The following NRG3 variants were observed in gnomAD, a reference collection of about 807,000 sequenced individuals.
The protein encoded by NRG3 is neuregulin 3.
In NRG3, 31 loss-of-function variants were observed where a neutral mutation model predicts 66.9. The observed-to-expected ratio is 0.46, with a 90% CI of 0.35 to 0.63. The LOEUF is 0.63. Ranked by LOEUF, NRG3 falls within the 20% of genes least tolerant of loss-of-function variation. The pLI is 0.00. For synonymous variants in NRG3, 393 were observed against 359.4 expected, an observed-to-expected ratio of 1.09 and a Z score of -1.06; for missense variants, 910 against 878.9, an observed-to-expected ratio of 1.04 and a Z score of -0.45.
At chr10:82,166,579 T>C (rs2072075882) in intron 1 of NRG3, 1 of 289,596 alleles carries the variant, frequency 3.5e-6, no homozygotes, top group Non-Finnish European at 6.2e-6. Context: ...ATTGCATTGC[T>C]ATTATTTTTG....
intron 1 of NRG3, among the ~76,000 whole-genome samples, chr10:82,123,419 A>G (rs1263370080): frequency 6.6e-6 from 1 of 152,134 alleles, no homozygotes; most frequent in East Asian, 1.9e-4. Context: ...GAGGTATAGA[A>G]AACACAGAGC....
chr10:82,223,602 A>C, intron 1 of NRG3, among the ~76,000 whole-genome samples: 1 of 150,848 alleles, frequency 6.6e-6, no homozygotes, highest in East Asian at 2.0e-4. Context: ...GCCTTTGTGC[A>C]CTCAGAATGC....
At chr10:82,661,191 G>T (rs1298986058) in intron 2 of NRG3, among the ~76,000 whole-genome samples, 2 of 152,032 alleles carry the variant, frequency 1.3e-5, no homozygotes, top group Non-Finnish European at 2.9e-5. Context: ...CCTAGGCATT[G>T]TTTCAGGAGC....
chr10:82,915,560 A>G (rs1473981088), intron 4 of NRG3, among the ~76,000 whole-genome samples: 1 of 152,204 alleles, frequency 6.6e-6, no homozygotes, highest in East Asian at 1.9e-4. Context: ...TCCCTTAAGA[A>G]TTTAAATATT....
intron 2 of NRG3, among the ~76,000 whole-genome samples, chr10:82,666,913 A>G (rs553566444): frequency 3.9e-5 from 6 of 152,342 alleles, no homozygotes; most frequent in African/African-American, 1.4e-4. Context: ...ATGATACATT[A>G]TATATACAGA....
chr10:81,888,350 A>G (rs1408757137), intron 1 of NRG3, among the ~76,000 whole-genome samples: 1 of 152,154 alleles, frequency 6.6e-6, no homozygotes, highest in Non-Finnish European at 1.5e-5. Context: ...ATCTTAACAC[A>G]TGTAAAACCC....
At chr10:82,239,642 T>C (rs915719060) in intron 1 of NRG3, among the ~76,000 whole-genome samples, 6 of 152,230 alleles carry the variant, frequency 3.9e-5, no homozygotes, top group Non-Finnish European at 8.8e-5. Flanking sequence ...TTCTTCATTC[T>C]GTAATCTATG....
At chr10:82,422,533 G>C (rs2089157588) in intron 2 of NRG3, among the ~76,000 whole-genome samples, 1 of 152,042 alleles carries the variant, frequency 6.6e-6, no homozygotes, top group African/African-American at 2.4e-5. Context: ...TTTATGTATT[G>C]ATTATTATCA....
chr10:82,764,906 G>A (rs1306104642), intron 3 of NRG3, among the ~76,000 whole-genome samples: 4 of 151,928 alleles, frequency 2.6e-5, no homozygotes, highest in African/African-American at 9.7e-5. Flanking sequence ...CAGAGAAGAA[G>A]GTTCCTGCCA....
chr10:81,876,268 C>G, intron 1 of NRG3, 105 bp downstream of exon 1: 1 of 1,433,644 alleles, frequency 7.0e-7, no homozygotes, highest in South Asian at 1.4e-5. Flanking sequence ...CCCCCTCCCC[C>G]ATCCCAGGTT....
chr10:82,183,425 C>T (rs1448442841), intron 1 of NRG3, among the ~76,000 whole-genome samples: 3 of 151,900 alleles, frequency 2.0e-5, no homozygotes, highest in African/African-American at 7.3e-5. Context: ...GTCAAGTCAG[C>T]TGTTGAACCA....
intron 1 of NRG3, among the ~76,000 whole-genome samples, chr10:81,884,880 TCCATCAC>T (rs1842495350): frequency 6.6e-6 from 1 of 151,546 alleles, no homozygotes; most frequent in Non-Finnish European, 1.5e-5. Context: ...ACTAAACATA[TCCATCAC>T]CTCCAAAAAT....
intron 1 of NRG3, among the ~76,000 whole-genome samples, chr10:82,042,357 T>C (rs1402085336): frequency 6.6e-6 from 1 of 152,086 alleles, no homozygotes; most frequent in South Asian, 2.1e-4. Flanking sequence ...CAAATACCTA[T>C]GCATATACAT....
chr10:82,079,416 GC>G (rs1219175720), intron 1 of NRG3, among the ~76,000 whole-genome samples: 1 of 152,118 alleles, frequency 6.6e-6, no homozygotes, highest in Non-Finnish European at 1.5e-5. Context: ...TATACCTACT[GC>G]CCCCACACAT....
At chr10:82,161,250 A>G (rs767649211) in intron 1 of NRG3, among the ~76,000 whole-genome samples, 14 of 152,086 alleles carry the variant, frequency 9.2e-5, no homozygotes, top group Non-Finnish European at 1.9e-4. Context: ...ACATGAAGTT[A>G]TGGGACTTTA....
intron 2 of NRG3, among the ~76,000 whole-genome samples, chr10:82,490,528 T>C (rs1320534238): frequency 1.3e-5 from 2 of 152,178 alleles, no homozygotes; most frequent in East Asian, 3.9e-4. Flanking sequence ...TGCTCTTGTC[T>C]CTTGCTTTCT....
At chr10:82,796,587 A>G (rs531074082) in intron 3 of NRG3, among the ~76,000 whole-genome samples, 5 of 151,714 alleles carry the variant, frequency 3.3e-5, no homozygotes, top group South Asian at 2.1e-4. Context: ...AGAGAGAGAG[A>G]GGGGGAGGCA....
At chr10:81,982,407 C>A (rs1258678914) in intron 1 of NRG3, among the ~76,000 whole-genome samples, 9 of 152,216 alleles carry the variant, frequency 5.9e-5, no homozygotes. Flanking sequence ...GTGCCTCAAA[C>A]CTCTCACAGC....
intron 2 of NRG3, among the ~76,000 whole-genome samples, chr10:82,681,836 C>A (rs2134126121): frequency 6.6e-6 from 1 of 152,302 alleles, no homozygotes; most frequent in African/African-American, 2.4e-5. Flanking sequence ...TGCAAGCCAC[C>A]TTTTGGAGGA....
Sources: allele counts gnomAD v4.1 joint callset (sites outside exome capture counted in the v4.1 genomes callset), GRCh38; gene constraint gnomAD v4.1.1; transcripts MANE v1.5; gene names NCBI Gene and HGNC (gene_info 2026-07-23, HGNC 2026-07-21).